HERC2: variants seen among roughly 807,000 people sequenced by gnomAD.
The protein encoded by HERC2 is HECT and RLD domain containing E3 ubiquitin protein ligase 2, also known as E3 ubiquitin-protein ligase HERC2.
HERC2 carries 102 observed loss-of-function variants against 537.7 expected under a neutral mutation model. That is an observed-to-expected ratio of 0.19 (90% CI 0.16 to 0.22). The LOEUF (loss-of-function observed/expected upper bound fraction) is 0.22, where lower values mean the gene tolerates loss of function less well. HERC2 is among the 10% of genes least tolerant of loss of function. HERC2 has a pLI of 1.00. For missense variants in HERC2, 4,236 were observed against 6,198.2 expected (o/e 0.68, Z 10.63); for synonymous variants, 2,224 against 2,466.2 (o/e 0.90, Z 2.91).
rs140281490 is a variant in HERC2 at position 28,262,118 on chromosome 15, T to C, written c.2122+800A>G. ...CTGATGTACCTCTCACACTGCCTTT[T>C]CCCTTCTTCCTACTTTCTTGTCAAT... On this transcript the variant is annotated intron_variant, in intron 15 of 92. Coordinates refer to ENST00000261609, the MANE Select transcript of HERC2 (RefSeq NM_004667.6). Among the ~76,000 whole-genome samples the C allele has an allele frequency of 3.3e-3, 505 of 152,256 alleles. 3 individuals are homozygous for C. Among genetic ancestry groups the C allele is most frequent in the African/African-American group, 0.012 (480 of 41,554 alleles).
chr15:28,281,568 C>A (rs1434557415), intron 4 of HERC2, among the ~76,000 whole-genome samples: 1 of 152,184 alleles, frequency 6.6e-6, no homozygotes, highest in Non-Finnish European at 1.5e-5. Context: ...GACAGGAGGG[C>A]CTTAGAAGGC....
At chr15:28,245,784 C>A in intron 23 of HERC2, 97 bp downstream of exon 23, 7 of 1,141,986 alleles carry the variant, frequency 6.1e-6, no homozygotes, top group South Asian at 1.4e-5. Context: ...AATGGCAAAT[C>A]TTCCTTTGTA....
At chr15:28,202,291 C>A (rs370441161) in intron 46 of HERC2, 42 bp from the exon 47 acceptor site, 131 of 1,612,806 alleles carry the variant, frequency 8.1e-5, no homozygotes, top group Non-Finnish European at 9.8e-5. Context: ...TGTGAGTCAA[C>A]AGCCCTGAAG....
In HERC2 at chr15:28,233,634, C is replaced by G. The variant is rs62008730; in HGVS notation, c.4351+30G>C. The G allele has an allele frequency of 9.8e-3, 15,766 of 1,613,638 alleles. 114 individuals carry two copies. Among genetic ancestry groups the G allele is most frequent in the Non-Finnish European group, 0.012 (14,467 of 1,179,694 alleles). The stretch of plus-strand genomic sequence containing the variant: ...GGTTAGTCGAGGAATCTGCAGTGTA[C>G]CTAAAGTACACAGATATCGAGCTCC... On this transcript the variant is annotated intron_variant, in intron 28 of 92. Transcript: ENST00000261609.
Position 28,228,195 on chromosome 15 carries a change from C to T in HERC2, c.5464+23G>A, listed in dbSNP as rs746991643. 16 of 1,603,238 alleles carry T rather than the reference C, an allele frequency of 1.0e-5. No homozygotes were observed. In the African/African-American group the frequency reaches 1.3e-4, roughly 13 times the overall value. On this transcript the variant is annotated intron_variant, in intron 35 of 92. Coordinates refer to ENST00000261609, the MANE Select transcript of HERC2 (RefSeq NM_004667.6). ...CAAAATCTTGACATTTTCCCAAAGG[C>T]GCTCAAGCGGGTGCAGACCTACCAA... is the stretch of plus-strand genomic sequence containing the variant.
rs1206235100 is a variant in HERC2, at chr15:28,254,335, T to C, written c.3050+5A>G. On this transcript the variant is annotated splice_donor_5th_base_variant and intron_variant, in intron 20 of 92. Coordinates refer to ENST00000261609, the MANE Select transcript of HERC2 (RefSeq NM_004667.6). ...ATATAATACAATACAGCTACTACGATTTACCTAAGAAGCTGTTGTATGAGC... is the reference window on the plus strand; with the variant it reads ...ATATAATACAATACAGCTACTACGACTTACCTAAGAAGCTGTTGTATGAGC... 6.4e-7 allele frequency: 1 copy of C among 1,567,098 alleles called. No homozygotes were observed. Among genetic ancestry groups the C allele is most frequent in the Non-Finnish European group, 8.6e-7 (1 of 1,157,886 alleles).
At chr15:28,195,857 A>G (rs1897302854) in intron 52 of HERC2, among the ~76,000 whole-genome samples, 1 of 152,248 alleles carries the variant, frequency 6.6e-6, no homozygotes, top group Admixed American at 6.5e-5. Context: ...ATTTTGCCAC[A>G]ATGACAAATA....
At chr15:28,223,322 TC>T (rs1433514788) in intron 35 of HERC2, among the ~76,000 whole-genome samples, 1 of 152,064 alleles carries the variant, frequency 6.6e-6, no homozygotes, top group Non-Finnish European at 1.5e-5. Flanking sequence ...TTTAGTTTTC[TC>T]CTCCAGGTGG....
chr15:28,269,093 T>C (rs1296545925), intron 11 of HERC2, among the ~76,000 whole-genome samples, 155 bp downstream of exon 11: 2 of 152,212 alleles, frequency 1.3e-5, no homozygotes, highest in Non-Finnish European at 2.9e-5. Flanking sequence ...CTTGACAATA[T>C]TACAACTGAG....
rs547793864 is a variant in HERC2, at chr15:28,160,225, C to T, written c.10746+2869G>A. On this transcript the variant is annotated intron_variant, in intron 69 of 92. Transcript: ENST00000261609. ...AGTCTGTCCATTCTCAGGTCTCAAACTCCGTTCTGGGAGAACCACTACTCT... is the reference window on the plus strand; with the variant it reads ...AGTCTGTCCATTCTCAGGTCTCAAATTCCGTTCTGGGAGAACCACTACTCT... 3.4e-3 allele frequency among the ~76,000 whole-genome samples: 521 copies of T among 152,300 alleles called. 6 individuals are homozygous for T. Among genetic ancestry groups the T allele is most frequent in the African/African-American group, 0.012 (484 of 41,570 alleles).
intron 65 of HERC2, among the ~76,000 whole-genome samples, chr15:28,172,486 C>A (rs990189790): frequency 6.6e-6 from 1 of 152,168 alleles, no homozygotes; most frequent in African/African-American, 2.4e-5. Context: ...CCATAGACAA[C>A]TGAATTCTCA....
At chr15:28,217,349 C>T (rs1900041309) in intron 38 of HERC2, among the ~76,000 whole-genome samples, 1 of 151,498 alleles carries the variant, frequency 6.6e-6, no homozygotes, top group South Asian at 2.1e-4. Flanking sequence ...ACCCACACAA[C>T]CACATGCTAC....
Position 28,268,515 on chromosome 15 carries a change from C to T in HERC2, c.1548G>A (p.Val516=), listed in dbSNP as rs544022520. 2 of 1,614,168 alleles carry T rather than the reference C, an allele frequency of 1.2e-6. No individual in the cohort carries two copies. Among genetic ancestry groups the T allele is most frequent in the Non-Finnish European group, 1.7e-6 (2 of 1,179,998 alleles). ...CGCCGTCCCCACAGCCCCAGGAGTA[C>T]ACCTCTCCAGTAGCAGCCAAGGCTA... ...HYLALAATGE[V]YSWGCGDGGR... Residue 516 remains valine (V), a synonymous_variant, in exon 12 of 93, where the codon GTG becomes GTA. Transcript: ENST00000261609. This position sits in a 1 kb window ranked among gnomAD's most constrained non-coding sequence, Gnocchi z 4.7.
chr15:28,256,507 T>G (rs1192588768), intron 17 of HERC2, among the ~76,000 whole-genome samples, 190 bp from the exon 18 acceptor site: 6 of 152,170 alleles, frequency 3.9e-5, no homozygotes, highest in Non-Finnish European at 8.8e-5. Context: ...AGAGGAATCT[T>G]TTTAACCCCA....
intron 4 of HERC2, among the ~76,000 whole-genome samples, chr15:28,289,004 C>G (rs985501613): frequency 3.8e-4 from 58 of 151,974 alleles, no homozygotes; most frequent in South Asian, 1.7e-3. Context: ...AAGAACATGT[C>G]AGAAGCAGGA....
intron 2 of HERC2, among the ~76,000 whole-genome samples, chr15:28,311,032 G>A (rs1401631821): frequency 2.6e-5 from 3 of 114,756 alleles, no homozygotes; most frequent in South Asian, 3.0e-4. Flanking sequence ...AGTGGAGATC[G>A]CACCACAGCA....
At chr15:28,307,924 C>T (rs2076836520) in intron 2 of HERC2, among the ~76,000 whole-genome samples, 1 of 152,126 alleles carries the variant, frequency 6.6e-6, no homozygotes, top group African/African-American at 2.4e-5. Context: ...CTGTTTTATG[C>T]TAGTACTATG....
At chr15:28,127,220 AG>A (rs1054432440) in intron 83 of HERC2, among the ~76,000 whole-genome samples, 1 of 152,212 alleles carries the variant, frequency 6.6e-6, no homozygotes, top group African/African-American at 2.4e-5. Context: ...CAAGGTGAGG[AG>A]GGTGTCTCTG....
At chr15:28,154,481 GC>G (rs1474910125) in intron 69 of HERC2, among the ~76,000 whole-genome samples, 6 of 152,172 alleles carry the variant, frequency 3.9e-5, no homozygotes, top group Non-Finnish European at 8.8e-5. Flanking sequence ...GTAACTGAAA[GC>G]AGATGTTGGC....
Sources: gnomAD v4.1 joint callset for allele counts (sites outside exome capture counted in the v4.1 genomes callset) on GRCh38, gnomAD v4.1.1 for gene constraint, Gnocchi (gnomAD v3.1) non-coding constraint, MANE v1.5 for transcripts, NCBI Gene and HGNC (gene_info 2026-07-23, HGNC 2026-07-21) for gene names.